The following MCPH1 variants were observed in gnomAD, a reference collection of about 807,000 sequenced individuals.
The protein encoded by MCPH1 is microcephalin 1.
Under a neutral mutation model 84.5 loss-of-function variants are expected in MCPH1, and 104 were observed. That is an observed-to-expected ratio of 1.23 (90% CI 1.05 to 1.45). The LOEUF is 1.45. Ranked by LOEUF, MCPH1 falls within the 40% of genes most tolerant of loss-of-function variation. The pLI is 0.00. For missense variants in MCPH1, 1,498 were observed against 1,005.7 expected, an observed-to-expected ratio of 1.49 and a Z score of -6.62; for synonymous variants, 514 against 366.8, an observed-to-expected ratio of 1.40 and a Z score of -4.58.
chr8:6,581,810 A>G (rs1563153638), intron 12 of MCPH1, among the ~76,000 whole-genome samples: 1 of 152,184 alleles, frequency 6.6e-6, no homozygotes, highest in Admixed American at 6.5e-5. Context: ...GAGAAGTCCA[A>G]TATCCAGGCA....
chr8:6,429,569 T>G (rs935682447), intron 3 of MCPH1, among the ~76,000 whole-genome samples: 2 of 151,830 alleles, frequency 1.3e-5, no homozygotes, highest in African/African-American at 4.8e-5. Flanking sequence ...CCCAGACAGC[T>G]CTTATCTACT....
chr8:6,451,970 C>T (rs1430509195), intron 8 of MCPH1, among the ~76,000 whole-genome samples: 1 of 152,120 alleles, frequency 6.6e-6, no homozygotes, highest in Non-Finnish European at 1.5e-5. Context: ...AATTCTGTAT[C>T]TTGGAAGTAG....
At chr8:6,560,006 G>A (rs1425644277) in intron 12 of MCPH1, among the ~76,000 whole-genome samples, 1 of 152,208 alleles carries the variant, frequency 6.6e-6, no homozygotes, top group African/African-American at 2.4e-5. Flanking sequence ...TTGATGATGT[G>A]AAACCTGCTT....
intron 12 of MCPH1, among the ~76,000 whole-genome samples, chr8:6,540,397 C>G (rs956469616): frequency 2.0e-5 from 3 of 152,126 alleles, no homozygotes; most frequent in Non-Finnish European, 2.9e-5. Context: ...CTGTAGTAAC[C>G]TCATGTAAAT....
At chr8:6,522,452 C>G (rs560870009) in intron 12 of MCPH1, among the ~76,000 whole-genome samples, 1 of 151,956 alleles carries the variant, frequency 6.6e-6, no homozygotes, top group East Asian at 1.9e-4. Flanking sequence ...CATTATTATT[C>G]CCATTTCCAA....
At chr8:6,609,538 C>G (rs536095323) in intron 12 of MCPH1, among the ~76,000 whole-genome samples, 1 of 152,330 alleles carries the variant, frequency 6.6e-6, no homozygotes, top group East Asian at 1.9e-4. Flanking sequence ...GTCTGAATCG[C>G]CTTCAGCGAA....
intron 3 of MCPH1, among the ~76,000 whole-genome samples, chr8:6,431,015 T>G (rs1173220215): frequency 6.6e-6 from 1 of 152,150 alleles, no homozygotes; most frequent in Non-Finnish European, 1.5e-5. Flanking sequence ...GGAGCATTGG[T>G]TGCACACCTG....
chr8:6,421,613 A>G (rs1800212280), intron 3 of MCPH1, among the ~76,000 whole-genome samples: 2 of 152,170 alleles, frequency 1.3e-5, no homozygotes, highest in South Asian at 4.1e-4. Context: ...TTTAGTATCC[A>G]TAAATACCGT....
intron 12 of MCPH1, among the ~76,000 whole-genome samples, chr8:6,581,494 T>C (rs188282602): frequency 4.6e-5 from 7 of 152,318 alleles, no homozygotes; most frequent in African/African-American, 1.7e-4. Flanking sequence ...TGTTATTCCT[T>C]TTTAAAAATT....
At chr8:6,453,961 C>G (rs915721748) in intron 8 of MCPH1, among the ~76,000 whole-genome samples, 2 of 152,182 alleles carry the variant, frequency 1.3e-5, no homozygotes, top group Admixed American at 6.5e-5. Context: ...CTGCAAATAA[C>G]AACTAGCTTG....
intron 12 of MCPH1, among the ~76,000 whole-genome samples, chr8:6,550,409 C>G (rs1224343222): frequency 6.6e-6 from 1 of 152,252 alleles, no homozygotes; most frequent in African/African-American, 2.4e-5. Flanking sequence ...GACCCCGTCT[C>G]TACAGCCGCT....
At position 6,643,249 on chromosome 8, in the gene MCPH1, G is replaced by A. The variant is rs757978211; in HGVS notation, c.*200G>A. On this transcript the variant is annotated 3_prime_UTR_variant, in exon 14 of 14. Transcript: ENST00000344683. Reference sequence around the variant, plus strand: ...GAATGTCTGTTTCAGAGACGCTTCGGGCCTTTTTATTTTTATTTTATTTTT... The same window carrying A: ...GAATGTCTGTTTCAGAGACGCTTCGAGCCTTTTTATTTTTATTTTATTTTT... The A allele has an allele frequency of 2.5e-5, 15 of 612,216 alleles. No individual in the cohort carries two copies. The highest frequency in any genetic ancestry group is 3.7e-5 in the Non-Finnish European group (13 of 347,050). The allele number at this position is 612,216 out of a possible 1,614,324, so 37.9% of individuals were successfully genotyped here. A position where few individuals can be genotyped will look rare whatever the true frequency, so the allele number is the denominator to read the frequency against.
At chr8:6,545,020 T>A (rs1822307977) in intron 12 of MCPH1, among the ~76,000 whole-genome samples, 1 of 152,112 alleles carries the variant, frequency 6.6e-6, no homozygotes, top group Admixed American at 6.6e-5. Context: ...ACAAATAACA[T>A]AATAGATCGC....
At chr8:6,447,567 T>G (rs544316473) in intron 8 of MCPH1, 1 of 399,582 alleles carries the variant, frequency 2.5e-6, no homozygotes, top group South Asian at 1.0e-4. Flanking sequence ...TAGTTTTTTT[T>G]GAGACATAGT....
At chr8:6,505,779 T>C (rs549621119) in intron 12 of MCPH1, among the ~76,000 whole-genome samples, 56 of 118,892 alleles carry the variant, frequency 4.7e-4, no homozygotes, top group African/African-American at 1.7e-3. Context: ...ATATATTCTT[T>C]ATATATGTAT....
intron 12 of MCPH1, among the ~76,000 whole-genome samples, chr8:6,571,618 G>A (rs143626859): frequency 6.6e-6 from 1 of 151,982 alleles, no homozygotes; most frequent in African/African-American, 2.4e-5. Context: ...TTTTTAAAAA[G>A]AGATAAAAAT....
intron 8 of MCPH1, among the ~76,000 whole-genome samples, chr8:6,453,603 A>G (rs1805333927): frequency 1.3e-5 from 2 of 152,340 alleles, no homozygotes; most frequent in South Asian, 4.1e-4. Flanking sequence ...CCCAAATTAT[A>G]TCTCTAGTCC....
rs139635159 is a variant in MCPH1, at chr8:6,534,901, C to T, written c.2214+34972C>T. ...AATAGCAGTTCGTAATTCTCCCCTC[C>T]GCTCATCGCCATGGGAGTAATGGAA... On this transcript the variant is annotated intron_variant, in intron 12 of 13. Transcript: ENST00000344683. Among the ~76,000 whole-genome samples, 540 of 152,262 alleles carry T rather than the reference C, an allele frequency of 3.5e-3. 2 individuals carry two copies. Among genetic ancestry groups the T allele is most frequent in the Non-Finnish European group, 6.4e-3 (438 of 68,030 alleles).
intron 11 of MCPH1, among the ~76,000 whole-genome samples, chr8:6,486,923 T>C (rs1261895567): frequency 2.0e-5 from 3 of 152,352 alleles, no homozygotes; most frequent in East Asian, 3.9e-4. Context: ...TCCTGCACTT[T>C]CCTGTGACTT....
Sources: allele counts gnomAD v4.1 joint callset (sites outside exome capture counted in the v4.1 genomes callset), GRCh38; gene constraint gnomAD v4.1.1; transcripts MANE v1.5; gene names NCBI Gene and HGNC (gene_info 2026-07-23, HGNC 2026-07-21).